The following ANKRD50 variants were observed in gnomAD, a reference collection of about 807,000 sequenced individuals.
ANKRD50 encodes the protein ankyrin repeat domain 50.
Under a neutral mutation model 112.0 loss-of-function variants are expected in ANKRD50, and 40 were observed. The ratio of observed to expected loss-of-function variants is 0.36; its 90% confidence interval spans 0.28 to 0.46. The LOEUF is 0.46. ANKRD50 is among the 20% of genes least tolerant of loss of function. ANKRD50 has a pLI of 1.00. For missense variants in ANKRD50, 1,487 were observed against 1,701.7 expected, an observed-to-expected ratio of 0.87 and a Z score of 2.22; for synonymous variants, 613 against 619.1, an observed-to-expected ratio of 0.99 and a Z score of 0.15.
intron 2 of ANKRD50, among the ~76,000 whole-genome samples, chr4:124,694,627 C>CA: frequency 6.6e-6 from 1 of 152,134 alleles, no homozygotes; most frequent in Non-Finnish European, 1.5e-5. Flanking sequence ...GACTACCACC[C>CA]AAGGCTATGG....
In ANKRD50 at chr4:124,670,075, C is replaced by G. The variant is rs1343661177; in HGVS notation, c.3202G>C (p.Gly1068Arg). 2 of 1,613,366 alleles carry G rather than the reference C, an allele frequency of 1.2e-6. No homozygotes were observed. The highest frequency in any genetic ancestry group is 2.7e-5 in the African/African-American group (2 of 74,972). Reference sequence around the variant, plus strand: ...TGATCAGCATGGTTTGGATCAGCACCATGCTCTAATAAGACCTGAACAACA... The same window carrying G: ...TGATCAGCATGGTTTGGATCAGCACGATGCTCTAATAAGACCTGAACAACA... ...IDVVQVLLEH[G>R]ADPNHADQFG... The change falls in exon 4 of 5, where the codon GGT (glycine) becomes CGT (arginine). Residue 1068 changes from glycine to arginine, a missense_variant. Physicochemically the swap from Gly to Arg is moderately radical, Grantham distance 125 (BLOSUM62 -2). Transcript: ENST00000504087.
intron 3 of ANKRD50, among the ~76,000 whole-genome samples, chr4:124,675,527 A>T (rs1353483149): frequency 6.6e-6 from 1 of 151,790 alleles, no homozygotes; most frequent in Non-Finnish European, 1.5e-5. Context: ...AAAAAGCAGA[A>T]AATCAAATTG....
rs1355089847 is a variant in ANKRD50, at chr4:124,707,750, A to T, written c.512+2250T>A. 3.3e-5 allele frequency among the ~76,000 whole-genome samples: 5 copies of T among 152,148 alleles called. No individual in the cohort carries two copies. In the East Asian group the frequency reaches 9.6e-4, roughly 29 times the overall value. On this transcript the variant is annotated intron_variant, in intron 2 of 4. Coordinates refer to ENST00000504087, the MANE Select transcript of ANKRD50 (RefSeq NM_020337.3). ...GGCTCCTTCTGTCAATCAGAAAAGC[A>T]GGGCTGGTATGGTTTTTACACACAG...
At chr4:124,683,897 C>A in intron 2 of ANKRD50, among the ~76,000 whole-genome samples, 1 of 110,368 alleles carries the variant, frequency 9.1e-6, no homozygotes, top group African/African-American at 3.4e-5. Context: ...ATAGATAATA[C>A]ATCAGTCTTT....
chr4:124,691,632 G>A (rs1364853288), intron 2 of ANKRD50, among the ~76,000 whole-genome samples: 1 of 151,668 alleles, frequency 6.6e-6, no homozygotes, highest in Non-Finnish European at 1.5e-5. Context: ...TTTGTAGCAA[G>A]GATTTCCCAT....
intron 2 of ANKRD50, among the ~76,000 whole-genome samples, chr4:124,709,061 C>CCACA (rs112440315): frequency 2.2e-5 from 3 of 133,566 alleles, no homozygotes; most frequent in African/African-American, 2.7e-5. Context: ...CAGAAGAGAG[C>CCACA]CACACACACA....
In ANKRD50 at chr4:124,670,702, G is replaced by A; in HGVS notation, c.2575C>T (p.His859Tyr). The A allele has an allele frequency of 6.2e-7, 1 of 1,613,282 alleles. No homozygotes were observed. Among genetic ancestry groups the A allele is most frequent in the Non-Finnish European group, 8.5e-7 (1 of 1,179,726 alleles). The change falls in exon 4 of 5, where the codon CAC becomes TAC. Residue 859 changes from histidine (H) to tyrosine (Y), a missense_variant. By Grantham distance (83) the His-to-Tyr change is moderately conservative. Coordinates refer to ENST00000504087, the MANE Select transcript of ANKRD50 (RefSeq NM_020337.3). ...ATAAGTGCTTCACATATCAATCTGTGCCCTTCAAAAGCTGCCATGTGCAAA... is the reference window on the plus strand; with the variant it reads ...ATAAGTGCTTCACATATCAATCTGTACCCTTCAAAAGCTGCCATGTGCAAA... ...TPLHMAAFEG[H>Y]RLICEALIEQ...
At position 124,669,796 on chromosome 4, in the gene ANKRD50, A is replaced by G; in HGVS notation, c.3481T>C (p.Phe1161Leu). The part of the protein sequence containing the change: ...RGLPNGPTHA[F>L]SSPSESPDST... ...TCTGGAGATTCTGAAGGAGAACTAAAAGCATGAGTAGGCCCATTAGGTAAA... is the reference window on the plus strand; with the variant it reads ...TCTGGAGATTCTGAAGGAGAACTAAGAGCATGAGTAGGCCCATTAGGTAAA... The change falls in exon 4 of 5, where the codon TTT becomes CTT. Residue 1161 changes from phenylalanine to leucine, a missense_variant. Coordinates refer to ENST00000504087, the MANE Select transcript of ANKRD50 (RefSeq NM_020337.3). 6.2e-7 allele frequency: 1 copy of G among 1,613,378 alleles called. No individual in the cohort carries two copies. The highest frequency in any genetic ancestry group is 8.5e-7 in the Non-Finnish European group (1 of 1,179,750).
intron 2 of ANKRD50, among the ~76,000 whole-genome samples, chr4:124,693,799 T>C (rs1042063959): frequency 6.6e-6 from 1 of 152,170 alleles, no homozygotes; most frequent in African/African-American, 2.4e-5. Context: ...AATGTACGTT[T>C]TGATGATAAT....
In ANKRD50 at chr4:124,670,923, AG is replaced by A; in HGVS notation, c.2353del (p.Leu785SerfsTer2). ...DHTDNNGRTP[L>X]LAAASMGHAS... ...ATGACCCATAGACGCTGCTGCTAAG[AG>A]GGGTGTACGGCCATTGTTATCTGTG... On this transcript the variant is annotated frameshift_variant, in exon 4 of 5. Coordinates refer to ENST00000504087, the MANE Select transcript of ANKRD50 (RefSeq NM_020337.3). LOFTEE classifies it high-confidence loss of function. 1 of 1,613,868 alleles carries A rather than the reference AG, an allele frequency of 6.2e-7. No homozygotes were observed. The highest frequency in any genetic ancestry group is 8.5e-7 in the Non-Finnish European group (1 of 1,179,882).
rs917389053 is a variant in ANKRD50 at position 124,664,639 on chromosome 4, A to C, written c.*2879T>G. 6.6e-6 allele frequency: 1 copy of C among 152,474 alleles called. No homozygotes were observed. Among genetic ancestry groups the C allele is most frequent in the Non-Finnish European group, 1.5e-5 (1 of 67,922 alleles). The allele number at this position is 152,474 out of a possible 1,614,324, so 9.4% of individuals were successfully genotyped here. A position where few individuals can be genotyped will look rare whatever the true frequency, so the allele number is the denominator to read the frequency against. On this transcript the variant is annotated 3_prime_UTR_variant, in exon 5 of 5. Transcript: ENST00000504087. Reference sequence around the variant, plus strand: ...CTCAAACCAAGGGAAAAATAAAAAGAAAGCATTTGTTTGCAACTACATTTG... The same window carrying C: ...CTCAAACCAAGGGAAAAATAAAAAGCAAGCATTTGTTTGCAACTACATTTG...
At chr4:124,706,192 A>C (rs1252663160) in intron 2 of ANKRD50, among the ~76,000 whole-genome samples, 5 of 152,118 alleles carry the variant, frequency 3.3e-5, no homozygotes, top group Non-Finnish European at 7.4e-5. Context: ...ATTTATCTCC[A>C]GCTGAACTCT....
rs148154149 is a variant in ANKRD50, at chr4:124,670,260, T to C, written c.3017A>G (p.Asn1006Ser). ...QVLIAYHADV[N>S]AADNEKRSAL... ...AGAGCGCTTTTCATTGTCTGCAGCA[T>C]TGACGTCAGCATGGTATGCTATCAG... Residue 1006 changes from asparagine (N) to serine (S), a missense_variant, in exon 4 of 5, where the codon AAT (asparagine) becomes AGT (serine). This residue lies in a region of ANKRD50 where 1,046 missense variants were observed against 1,269.5 expected (regional missense o/e 0.82). Coordinates refer to ENST00000504087, the MANE Select transcript of ANKRD50 (RefSeq NM_020337.3). The C allele has an allele frequency of 1.0e-4, 164 of 1,613,952 alleles. No individual in the cohort carries two copies. The African/African-American group carries it at 2.0e-3, about 20-fold the overall frequency.
chr4:124,696,797 T>C (rs1450785460), intron 2 of ANKRD50, among the ~76,000 whole-genome samples: 1 of 152,204 alleles, frequency 6.6e-6, no homozygotes, highest in Non-Finnish European at 1.5e-5. Flanking sequence ...TTATTAAACA[T>C]GAATATATAC....
chr4:124,679,033 T>G, intron 2 of ANKRD50, 128 bp from the exon 3 acceptor site: 1 of 700,454 alleles, frequency 1.4e-6, no homozygotes, highest in Non-Finnish European at 2.3e-6. Flanking sequence ...ACAAAAAATA[T>G]TATACAAGTT....
chr4:124,692,739 A>G lies in ANKRD50; in HGVS notation c.513-13834T>C, dbSNP rs183988000. On this transcript the variant is annotated intron_variant, in intron 2 of 4. Transcript: ENST00000504087. The stretch of plus-strand genomic sequence containing the variant: ...ATGAACAAAGAAACAGGACCTGACC[A>G]GACTTCAAACCTGCCCATATCTTGA... Among the ~76,000 whole-genome samples, 661 of 152,336 alleles carry G rather than the reference A, an allele frequency of 4.3e-3. 3 individuals are homozygous for G. Among genetic ancestry groups the G allele is most frequent in the Middle Eastern group, 0.014 (4 of 294 alleles).
At chr4:124,694,305 T>A (rs1725202792) in intron 2 of ANKRD50, among the ~76,000 whole-genome samples, 1 of 152,196 alleles carries the variant, frequency 6.6e-6, no homozygotes, top group Admixed American at 6.5e-5. Flanking sequence ...TTCACGCTTT[T>A]ATGAACTGTC....
At chr4:124,689,634 T>C (rs1318367976) in intron 2 of ANKRD50, among the ~76,000 whole-genome samples, 1 of 152,112 alleles carries the variant, frequency 6.6e-6, no homozygotes, top group African/African-American at 2.4e-5. Flanking sequence ...AATCAGCTCT[T>C]CTTGGGTCTT....
In ANKRD50 at chr4:124,700,493, T is replaced by TA. The variant is rs555110856; in HGVS notation, c.512+9506dup. Among the ~76,000 whole-genome samples the TA allele has an allele frequency of 7.2e-5, 11 of 152,286 alleles. No homozygotes were observed. In the South Asian group the frequency reaches 1.7e-3, roughly 23 times the overall value. On this transcript the variant is annotated intron_variant, in intron 2 of 4. Transcript: ENST00000504087. ...AAAATGGGAGTAGTAGTGATAGAGA[T>TA]AGAGAGAAGTGGAGGTATTTGTTTT...
Sources: gnomAD v4.1 joint callset for allele counts (sites outside exome capture counted in the v4.1 genomes callset) on GRCh38, gnomAD v4.1.1 for gene constraint, gnomAD v4.1.1 regional missense constraint, MANE v1.5 for transcripts, NCBI Gene and HGNC (gene_info 2026-07-23, HGNC 2026-07-21) for gene names.